Variants in DCC observed in about 807,000 individuals in gnomAD.
DCC encodes the protein DCC netrin 1 receptor, also known as netrin receptor DCC.
Under a neutral mutation model 172.5 loss-of-function variants are expected in DCC, and 58 were observed. The observed-to-expected ratio is 0.34, with a 90% CI of 0.27 to 0.42. DCC has a LOEUF of 0.42. DCC is among the 10% of genes least tolerant of loss of function. DCC has a pLI of 1.00. For missense variants in DCC, 1,740 were observed against 1,791.0 expected, an observed-to-expected ratio of 0.97 and a Z score of 0.51; for synonymous variants, 709 against 644.5, an observed-to-expected ratio of 1.10 and a Z score of -1.52.
At chr18:52,712,014 T>A (rs979217039) in intron 1 of DCC, among the ~76,000 whole-genome samples, 2 of 151,382 alleles carry the variant, frequency 1.3e-5, no homozygotes, top group East Asian at 1.9e-4. Context: ...CAGGCTGGAG[T>A]GCAGTGGTGT....
intron 7 of DCC, among the ~76,000 whole-genome samples, chr18:53,082,090 G>A (rs2042815665): frequency 6.6e-6 from 1 of 152,054 alleles, no homozygotes; most frequent in Non-Finnish European, 1.5e-5. Flanking sequence ...CAGCAGTAAT[G>A]GAAATTTTAT....
chr18:52,779,546 C>T (rs1158096922), intron 2 of DCC, among the ~76,000 whole-genome samples: 1 of 152,144 alleles, frequency 6.6e-6, no homozygotes, highest in African/African-American at 2.4e-5. Context: ...CTTTATCCAG[C>T]TTATCATTGA....
chr18:53,000,950 C>T (rs1245331623), intron 5 of DCC, among the ~76,000 whole-genome samples: 1 of 151,728 alleles, frequency 6.6e-6, no homozygotes, highest in Non-Finnish European at 1.5e-5. Context: ...GTTTTTTTCC[C>T]ATCGACTGCA....
At chr18:53,092,584 A>G (rs1300861224) in intron 7 of DCC, among the ~76,000 whole-genome samples, 1 of 152,212 alleles carries the variant, frequency 6.6e-6, no homozygotes, top group Admixed American at 6.5e-5. Flanking sequence ...CAAGAAGGAA[A>G]CTGAATCTAT....
At chr18:53,094,402 A>G (rs565281529) in intron 7 of DCC, among the ~76,000 whole-genome samples, 3 of 152,314 alleles carry the variant, frequency 2.0e-5, no homozygotes, top group African/African-American at 7.2e-5. Context: ...TACAAGTATC[A>G]TCTCCCTTTA....
At chr18:52,788,512 C>T (rs1360236570) in intron 2 of DCC, among the ~76,000 whole-genome samples, 1 of 152,140 alleles carries the variant, frequency 6.6e-6, no homozygotes, top group Non-Finnish European at 1.5e-5. Flanking sequence ...TTTGACGACA[C>T]TTGCATTTTG....
intron 1 of DCC, among the ~76,000 whole-genome samples, chr18:52,691,170 C>T (rs2035924930): frequency 6.6e-6 from 1 of 152,092 alleles, no homozygotes; most frequent in Non-Finnish European, 1.5e-5. Flanking sequence ...CCCATAGACT[C>T]ATACCTGAGA....
intron 5 of DCC, among the ~76,000 whole-genome samples, chr18:52,993,036 T>C (rs1212920282): frequency 6.6e-6 from 1 of 151,828 alleles, no homozygotes; most frequent in Non-Finnish European, 1.5e-5. Context: ...ATCTTCAGCA[T>C]GGTGCAATAT....
At position 53,204,060 on chromosome 18, in the gene DCC, A is replaced by C. The variant is rs143624092; in HGVS notation, c.1574-1156A>C. ...ATTTGGCATGAATATCATATGCTTTACTGCAAATATATAGTTACATTTGAT... is the reference window on the plus strand; with the variant it reads ...ATTTGGCATGAATATCATATGCTTTCCTGCAAATATATAGTTACATTTGAT... On this transcript the variant is annotated intron_variant, in intron 9 of 28. Coordinates refer to ENST00000442544, the MANE Select transcript of DCC (RefSeq NM_005215.4). Among the ~76,000 whole-genome samples, 9 of 140,496 alleles carry C rather than the reference A, an allele frequency of 6.4e-5. No homozygotes were observed. In the East Asian group the frequency reaches 1.2e-3, roughly 19 times the overall value. The allele number at this position is 140,496 out of a possible 152,430, so 92.2% of individuals were successfully genotyped here.
intron 1 of DCC, among the ~76,000 whole-genome samples, chr18:52,424,792 A>G (rs79813817): frequency 1.2e-4 from 19 of 152,200 alleles, no homozygotes; most frequent in Non-Finnish European, 2.6e-4. Context: ...TGGGGTTCAG[A>G]CGATGCCAGT....
rs143929490 is a variant in DCC at position 52,510,300 on chromosome 18, G to A, written c.91+169422G>A. ...TCATTCATTGGCTAGCACTCTCCCA[G>A]TGGCTGGAACTGGCCTTGCTTCTCT... On this transcript the variant is annotated intron_variant, in intron 1 of 28. Transcript: ENST00000442544. Among the ~76,000 whole-genome samples, 120 of 152,234 alleles carry A rather than the reference G, an allele frequency of 7.9e-4. 1 individual carries two copies. Among genetic ancestry groups the A allele is most frequent in the African/African-American group, 2.8e-3 (115 of 41,552 alleles).
At chr18:52,927,497 T>C (rs1598939040) in intron 5 of DCC, among the ~76,000 whole-genome samples, 1 of 152,038 alleles carries the variant, frequency 6.6e-6, no homozygotes, top group Admixed American at 6.6e-5. Flanking sequence ...TCATATTTCA[T>C]TGATGCACAT....
At chr18:53,216,588 G>C (rs1396223597) in intron 12 of DCC, among the ~76,000 whole-genome samples, 1 of 152,060 alleles carries the variant, frequency 6.6e-6, no homozygotes, top group African/African-American at 2.4e-5. Flanking sequence ...CGATGAATCT[G>C]ACTTGATAGT....
chr18:53,526,517 T>C, intron 27 of DCC, 100 bp from the exon 28 acceptor site: 1 of 1,303,106 alleles, frequency 7.7e-7, no homozygotes, highest in Non-Finnish European at 1.1e-6. Context: ...AGCAATAACC[T>C]AAAATCAATG....
At chr18:53,040,741 G>T (rs1254215024) in intron 5 of DCC, among the ~76,000 whole-genome samples, 1 of 151,810 alleles carries the variant, frequency 6.6e-6, no homozygotes, top group Non-Finnish European at 1.5e-5. Context: ...TTGGGATCTG[G>T]CAAACTAATC....
intron 12 of DCC, among the ~76,000 whole-genome samples, chr18:53,263,880 A>G (rs1010023993): frequency 6.6e-6 from 1 of 152,020 alleles, no homozygotes; most frequent in Admixed American, 6.6e-5. Flanking sequence ...CTCAATTTGC[A>G]GTTGTTTCAT....
chr18:53,241,132 G>C (rs886721674), intron 12 of DCC, among the ~76,000 whole-genome samples: 1 of 152,146 alleles, frequency 6.6e-6, no homozygotes, highest in Non-Finnish European at 1.5e-5. Flanking sequence ...GAATGGATGA[G>C]AGTGATCAAA....
intron 1 of DCC, among the ~76,000 whole-genome samples, chr18:52,362,544 CT>C (rs1568133033): frequency 2.0e-5 from 3 of 152,062 alleles, no homozygotes; most frequent in Admixed American, 2.0e-4. Flanking sequence ...AATTTGAATG[CT>C]ATAATAGATT....
intron 12 of DCC, among the ~76,000 whole-genome samples, chr18:53,294,977 C>G (rs2057049083): frequency 6.6e-6 from 1 of 152,120 alleles, no homozygotes; most frequent in African/African-American, 2.4e-5. Context: ...AAAATCACAA[C>G]AGCTTAGCCT....
Sources: gnomAD v4.1 joint callset for allele counts (sites outside exome capture counted in the v4.1 genomes callset) on GRCh38, gnomAD v4.1.1 for gene constraint, MANE v1.5 for transcripts, NCBI Gene and HGNC (gene_info 2026-07-23, HGNC 2026-07-21) for gene names.